Variants in PPP3CA observed in about 807,000 individuals in gnomAD.
PPP3CA encodes protein phosphatase 3 catalytic subunit alpha, also known as CAM-PRP catalytic subunit.
Under a neutral mutation model 66.5 loss-of-function variants are expected in PPP3CA, and 14 were observed. The ratio of observed to expected loss-of-function variants is 0.21; its 90% confidence interval spans 0.14 to 0.33. PPP3CA has a LOEUF of 0.33. Among genes scored for constraint, PPP3CA ranks in the 10% least tolerant of loss-of-function variants. The pLI, the probability that PPP3CA is intolerant of heterozygous loss-of-function variation, is 1.00. For synonymous variants in PPP3CA, 232 were observed against 226.2 expected (o/e 1.03, Z -0.23); for missense variants, 317 against 639.5 (o/e 0.50, Z 5.44).
chr4:101,122,148 C>T (rs1722051833), intron 2 of PPP3CA, among the ~76,000 whole-genome samples: 1 of 152,096 alleles, frequency 6.6e-6, no homozygotes, highest in Non-Finnish European at 1.5e-5. Flanking sequence ...ATGACTCTTT[C>T]CTTCTGTTTC....
At chr4:101,123,039 C>A (rs1722079286) in intron 2 of PPP3CA, among the ~76,000 whole-genome samples, 1 of 152,114 alleles carries the variant, frequency 6.6e-6, no homozygotes, top group Admixed American at 6.6e-5. Context: ...TTCATCTCTC[C>A]TTTGATTCAA....
At chr4:101,152,870 A>C (rs111487929) in intron 2 of PPP3CA, among the ~76,000 whole-genome samples, 14 of 152,228 alleles carry the variant, frequency 9.2e-5, no homozygotes, top group Admixed American at 6.5e-5. Context: ...CTCACTAAAA[A>C]AAAGAAAAGG....
chr4:101,071,037 A>T (rs1173216648), intron 8 of PPP3CA, among the ~76,000 whole-genome samples: 1 of 152,184 alleles, frequency 6.6e-6, no homozygotes, highest in Admixed American at 6.5e-5. Context: ...TCTAGACTAA[A>T]AACAGAGAGA....
intron 1 of PPP3CA, among the ~76,000 whole-genome samples, chr4:101,239,036 G>C (rs1030975393): frequency 2.0e-5 from 3 of 152,170 alleles, no homozygotes; most frequent in African/African-American, 7.2e-5. Context: ...GTCATTCAGA[G>C]AAAGTTTACT....
chr4:101,236,143 C>A (rs557370368), intron 1 of PPP3CA, among the ~76,000 whole-genome samples: 2 of 151,766 alleles, frequency 1.3e-5, no homozygotes, highest in Non-Finnish European at 2.9e-5. Flanking sequence ...AAAATAATCA[C>A]AAATTATAGC....
intron 2 of PPP3CA, among the ~76,000 whole-genome samples, chr4:101,157,607 G>A (rs934288073): frequency 1.3e-5 from 2 of 152,096 alleles, no homozygotes; most frequent in South Asian, 2.1e-4. Context: ...GTCTGTGTGC[G>A]CTGAATCAAA....
At chr4:101,195,529 G>C (rs2110190204) in intron 2 of PPP3CA, among the ~76,000 whole-genome samples, 1 of 152,216 alleles carries the variant, frequency 6.6e-6, no homozygotes, top group African/African-American at 2.4e-5. Flanking sequence ...ATCACACTTT[G>C]AAAACCACTG....
chr4:101,331,525 C>T (rs1421295622), intron 1 of PPP3CA, among the ~76,000 whole-genome samples: 5 of 152,116 alleles, frequency 3.3e-5, no homozygotes. Context: ...ATGTTGCCAA[C>T]ATTTGTGATC....
chr4:101,313,490 A>T (rs1007287878), intron 1 of PPP3CA, among the ~76,000 whole-genome samples: 1 of 152,228 alleles, frequency 6.6e-6, no homozygotes, highest in Admixed American at 6.5e-5. Flanking sequence ...CTCTGCAAAC[A>T]TGGCAGACAT....
rs1418346739 is a variant in PPP3CA, at chr4:101,196,108, A to T, written c.67T>A (p.Phe23Ile). Residue 23 changes from phenylalanine (F) to isoleucine (I), a missense_variant, in exon 2 of 14, where the codon TTT (phenylalanine) becomes ATT (isoleucine). Phe to Ile is a conservative substitution (Grantham distance 21). Around this residue, in one of 3 missense-constraint regions of PPP3CA, gnomAD observed 76 missense variants for 99.5 expected, o/e 0.76. Coordinates refer to ENST00000394854, the MANE Select transcript of PPP3CA (RefSeq NM_000944.5). ...GCTGTAAGCCGGTGACTTGGAGGAA[A>T]TGGAACAGCTGAAAGAAGAAAGGTC... ...TTDRVVKAVPFPPSHRLTAKE... is the reference protein window; with the variant it reads ...TTDRVVKAVPIPPSHRLTAKE... 1 of 1,613,844 alleles carries T rather than the reference A, an allele frequency of 6.2e-7. No individual in the cohort carries two copies. The highest frequency in any genetic ancestry group is 8.5e-7 in the Non-Finnish European group (1 of 1,179,904).
At chr4:101,078,837 C>A (rs1229734190) in intron 8 of PPP3CA, among the ~76,000 whole-genome samples, 1 of 152,126 alleles carries the variant, frequency 6.6e-6, no homozygotes, top group Non-Finnish European at 1.5e-5. Context: ...ATCACTGACT[C>A]CCACTCCCAC....
chr4:101,086,801 G>A (rs1312232498), intron 6 of PPP3CA, among the ~76,000 whole-genome samples: 5 of 152,204 alleles, frequency 3.3e-5, no homozygotes, highest in Non-Finnish European at 2.9e-5. Flanking sequence ...AATGCCTTAG[G>A]AGAGGAACAC....
chr4:101,201,743 G>A (rs1337470524), intron 1 of PPP3CA, among the ~76,000 whole-genome samples: 1 of 152,222 alleles, frequency 6.6e-6, no homozygotes, highest in Non-Finnish European at 1.5e-5. Context: ...AACAGCTTAA[G>A]CATATCACAT....
chr4:101,106,476 A>AAAG (rs1730751276), intron 3 of PPP3CA, among the ~76,000 whole-genome samples: 1 of 62,646 alleles, frequency 1.6e-5, no homozygotes, highest in African/African-American at 1.2e-4. Flanking sequence ...AAAAGAAAAG[A>AAAG]AAAGAAAAGA....
At chr4:101,124,982 C>A (rs545007721) in intron 2 of PPP3CA, among the ~76,000 whole-genome samples, 2 of 152,244 alleles carry the variant, frequency 1.3e-5, no homozygotes, top group East Asian at 3.9e-4. Context: ...GTAAAATATT[C>A]TTTTCACTGT....
At chr4:101,085,919 C>T (rs980444839) in intron 6 of PPP3CA, among the ~76,000 whole-genome samples, 3 of 151,710 alleles carry the variant, frequency 2.0e-5, no homozygotes, top group Admixed American at 2.0e-4. Context: ...ATTGCTAACA[C>T]CTAAACACCC....
At chr4:101,280,353 TTTTC>T (rs1423402768) in intron 1 of PPP3CA, among the ~76,000 whole-genome samples, 4 of 152,126 alleles carry the variant, frequency 2.6e-5, no homozygotes, top group African/African-American at 9.7e-5. Flanking sequence ...TGTGAATCTG[TTTTC>T]TTTTTTAAAT....
At chr4:101,308,818 G>C (rs923549632) in intron 1 of PPP3CA, among the ~76,000 whole-genome samples, 8 of 152,184 alleles carry the variant, frequency 5.3e-5, no homozygotes, top group African/African-American at 1.9e-4. Context: ...TTTCTGCAAT[G>C]TGAAATTTTA....
At chr4:101,198,311 A>G (rs1009269856) in intron 1 of PPP3CA, among the ~76,000 whole-genome samples, 5 of 152,072 alleles carry the variant, frequency 3.3e-5, no homozygotes, top group Admixed American at 2.6e-4. Context: ...GTCTTTATGT[A>G]TGTTTTGAGA....
Sources: allele counts gnomAD v4.1 joint callset (sites outside exome capture counted in the v4.1 genomes callset), GRCh38; gene constraint gnomAD v4.1.1; regional missense constraint gnomAD v4.1.1; transcripts MANE v1.5; gene names NCBI Gene and HGNC (gene_info 2026-07-23, HGNC 2026-07-21).